COL24A1: variants seen among roughly 807,000 people sequenced by gnomAD.
COL24A1 encodes collagen type XXIV alpha 1 chain, also known as collagen alpha-1(XXIV) chain.
Under a neutral mutation model 253.9 loss-of-function variants are expected in COL24A1, and 224 were observed. The observed-to-expected ratio is 0.88, with a 90% CI of 0.79 to 0.99. COL24A1 has a LOEUF of 0.99. Among genes scored for constraint, COL24A1 ranks in the 50% least tolerant of loss-of-function variants. The probability of loss-of-function intolerance (pLI) is 0.00; values close to 1 mark genes in which losing one functional copy is unlikely to be tolerated. For synonymous variants in COL24A1, 685 were observed against 673.7 expected, an observed-to-expected ratio of 1.02 and a Z score of -0.26; for missense variants, 2,131 against 2,068.5, an observed-to-expected ratio of 1.03 and a Z score of -0.59.
intron 35 of COL24A1, among the ~76,000 whole-genome samples, chr1:85,870,008 C>T (rs1680261066): frequency 6.6e-6 from 1 of 151,982 alleles, no homozygotes; most frequent in Middle Eastern, 3.2e-3. Flanking sequence ...GGAAGATCTA[C>T]CAAGCAAATG....
intron 11 of COL24A1, among the ~76,000 whole-genome samples, chr1:86,047,243 C>G (rs527371126): frequency 6.6e-6 from 1 of 152,334 alleles, no homozygotes; most frequent in East Asian, 1.9e-4. Context: ...CTTCCCCTCT[C>G]TATCTGGATA....
intron 24 of COL24A1, among the ~76,000 whole-genome samples, chr1:85,923,711 G>A (rs1300951909): frequency 6.6e-6 from 1 of 152,162 alleles, no homozygotes; most frequent in Non-Finnish European, 1.5e-5. Context: ...GCCCACAAGA[G>A]AAAGCAGGAA....
intron 7 of COL24A1, among the ~76,000 whole-genome samples, chr1:86,081,418 G>A (rs1270096152): frequency 6.6e-6 from 1 of 151,692 alleles, no homozygotes; most frequent in Non-Finnish European, 1.5e-5. Context: ...AAATTTCCCT[G>A]GCTGCATATG....
chr1:85,875,248 A>G (rs1334443593), intron 34 of COL24A1, 29 bp downstream of exon 34: 1 of 1,600,446 alleles, frequency 6.2e-7, no homozygotes, highest in South Asian at 1.1e-5. Context: ...GAAAGTTTAG[A>G]GATTCTCCTT....
rs768544648 is a variant in COL24A1 at position 85,823,689 on chromosome 1, G to C, written c.3731C>G (p.Pro1244Arg). 2.5e-6 allele frequency: 4 copies of C among 1,613,734 alleles called. No homozygotes were observed. The South Asian group carries it at 4.4e-5, about 18-fold the overall frequency. Residue 1244 changes from proline (P) to arginine (R), a missense_variant, in exon 44 of 60, where the codon CCC becomes CGC. Coordinates refer to ENST00000370571, the MANE Select transcript of COL24A1 (RefSeq NM_152890.7). ...AATAATGCTTTCAAAACATACTGGG[G>C]GTCCTTGTTGTCCAGTGGCACCTCT... ...GLRGATGQQG[P>R]PGEPGDQGEQ...
At chr1:86,024,663 T>C (rs982665033) in intron 14 of COL24A1, among the ~76,000 whole-genome samples, 1 of 152,190 alleles carries the variant, frequency 6.6e-6, no homozygotes, top group Non-Finnish European at 1.5e-5. Flanking sequence ...ATGCTTGTAA[T>C]TTCAAATTAT....
intron 14 of COL24A1, among the ~76,000 whole-genome samples, chr1:86,031,158 A>G (rs1207753527): frequency 1.3e-5 from 2 of 152,190 alleles, no homozygotes; most frequent in Non-Finnish European, 2.9e-5. Flanking sequence ...AACAACAGGA[A>G]TGGAACTGGA....
rs1699924732 is a variant in COL24A1, at chr1:86,046,629, C to A, written c.1950+196G>T. Among the ~76,000 whole-genome samples the A allele has an allele frequency of 2.0e-5, 3 of 152,100 alleles. No homozygotes were observed. The South Asian group carries it at 6.2e-4, about 31-fold the overall frequency. ...GAAAGGGTTAGAAGTGTTCAAAGTT[C>A]AGTTATTTTTTAATCTAAATTTTCC... On this transcript the variant is annotated intron_variant, in intron 12 of 59. Transcript: ENST00000370571.
chr1:86,001,953 G>A (rs1330171934), intron 19 of COL24A1, among the ~76,000 whole-genome samples: 1 of 152,212 alleles, frequency 6.6e-6, no homozygotes, highest in Non-Finnish European at 1.5e-5. Flanking sequence ...CTTTGACACG[G>A]AATGATAATT....
chr1:86,044,804 AG>A (rs1699776192), intron 12 of COL24A1, among the ~76,000 whole-genome samples: 1 of 152,182 alleles, frequency 6.6e-6, no homozygotes, highest in African/African-American at 2.4e-5. Flanking sequence ...ACATTGCCAA[AG>A]CCAAAATCAA....
intron 1 of COL24A1, 148 bp downstream of exon 1, chr1:86,156,193 G>A (rs1653584808): frequency 1.6e-6 from 1 of 637,526 alleles, no homozygotes; most frequent in African/African-American, 1.9e-5. Flanking sequence ...GAGAAGACAA[G>A]GGGAAGATAC....
intron 23 of COL24A1, among the ~76,000 whole-genome samples, chr1:85,963,778 G>C (rs1042246297): frequency 6.6e-6 from 1 of 152,146 alleles, no homozygotes; most frequent in Non-Finnish European, 1.5e-5. Flanking sequence ...GGGAGAGAAA[G>C]TATATACATA....
chr1:86,029,150 G>GAAAA (rs5775883), intron 14 of COL24A1, among the ~76,000 whole-genome samples: 15 of 148,632 alleles, frequency 1.0e-4, no homozygotes, highest in South Asian at 6.4e-4. Context: ...AAGTTCTCAG[G>GAAAA]AAAAAAAAAA....
chr1:85,872,375 C>A (rs530749233), intron 35 of COL24A1, among the ~76,000 whole-genome samples: 5 of 152,148 alleles, frequency 3.3e-5, no homozygotes, highest in African/African-American at 1.2e-4. Flanking sequence ...AAAAAAGAGC[C>A]TGCATTACCA....
Position 85,730,664 on chromosome 1 carries a change from G to A in COL24A1, c.5027C>T (p.Thr1676Ile). Residue 1676 changes from threonine to isoleucine, a missense_variant, in exon 60 of 60, where the codon ACA becomes ATA. Thr to Ile is a moderately conservative substitution (Grantham distance 89). Coordinates refer to ENST00000370571, the MANE Select transcript of COL24A1 (RefSeq NM_152890.7). Reference protein sequence around the residue: ...KIQDGSWHKATFLFHTQEPNQ... With the variant: ...KIQDGSWHKAIFLFHTQEPNQ... ...AGGTTCCTGGGTGTGAAAAAGAAAT[G>A]TTGCCTTATGCCAGCTGCCATCTTG... is the stretch of plus-strand genomic sequence containing the variant. 2 of 1,613,932 alleles carry A rather than the reference G, an allele frequency of 1.2e-6. 1 individual carries two copies. Among genetic ancestry groups the A allele is most frequent in the South Asian group, 2.2e-5 (2 of 91,064 alleles).
intron 19 of COL24A1, among the ~76,000 whole-genome samples, chr1:85,989,571 A>G (rs1694047309): frequency 1.3e-5 from 2 of 152,104 alleles, no homozygotes; most frequent in South Asian, 2.1e-4. Context: ...TGATCATTCT[A>G]TGGAATCTGA....
chr1:86,125,852 G>A lies in COL24A1; in HGVS notation c.484C>T (p.Gln162Ter). 1 of 1,613,208 alleles carries A rather than the reference G, an allele frequency of 6.2e-7. No homozygotes were observed. The highest frequency in any genetic ancestry group is 1.1e-5 in the South Asian group (1 of 91,034). Residue 162 changes from glutamine to a stop codon, truncating the protein, a stop_gained, in exon 3 of 60, where the codon CAA becomes TAA. Coordinates refer to ENST00000370571, the MANE Select transcript of COL24A1 (RefSeq NM_152890.7). LOFTEE classifies it high-confidence loss of function. Reference sequence around the variant, plus strand: ...ATAGTAATGGCAAATGAGTGCCATTGCTCATCATGAACACTGTAGTTGAAA... The same window carrying A: ...ATAGTAATGGCAAATGAGTGCCATTACTCATCATGAACACTGTAGTTGAAA... Reference protein sequence around the residue: ...AVFNYSVHDEQWHSFAITIRN... With the variant: ...AVFNYSVHDE
intron 43 of COL24A1, among the ~76,000 whole-genome samples, chr1:85,837,235 C>G (rs1676098693): frequency 6.6e-6 from 1 of 152,012 alleles, no homozygotes; most frequent in South Asian, 2.1e-4. Context: ...CACATATAAC[C>G]TGCTAAAAAT....
intron 57 of COL24A1, among the ~76,000 whole-genome samples, chr1:85,741,854 C>T (rs1361180383): frequency 6.6e-6 from 1 of 152,154 alleles, no homozygotes; most frequent in Admixed American, 6.5e-5. Context: ...ACTACCATTC[C>T]TCTAAACTGC....
Sources: allele counts gnomAD v4.1 joint callset (sites outside exome capture counted in the v4.1 genomes callset), GRCh38; gene constraint gnomAD v4.1.1; transcripts MANE v1.5; gene names NCBI Gene and HGNC (gene_info 2026-07-23, HGNC 2026-07-21).